The following USP6 variants were observed in gnomAD, a reference collection of about 807,000 sequenced individuals.
USP6 encodes the protein ubiquitin carboxyl-terminal hydrolase 6.
Under a neutral mutation model 175.7 loss-of-function variants are expected in USP6, and 128 were observed. The ratio of observed to expected loss-of-function variants is 0.73; its 90% CI spans 0.63 to 0.84. The LOEUF (loss-of-function observed/expected upper bound fraction) is 0.84, where lower values mean the gene tolerates loss of function less well. Among genes scored for constraint, USP6 ranks in the 40% least tolerant of loss-of-function variants. USP6 has a pLI of 0.00. For missense variants in USP6, 1,498 were observed against 1,760.3 expected (o/e 0.85, Z 2.67); for synonymous variants, 562 against 630.6 (o/e 0.89, Z 1.63).
chr17:5,130,211 G>T (rs371197712), intron 9 of USP6, 122 bp downstream of exon 9: 1 of 673,346 alleles, frequency 1.5e-6, no homozygotes, highest in Non-Finnish European at 2.6e-6. Flanking sequence ...GACCCATGGA[G>T]GTGTGGGCCA....
rs2073118003 is a variant in USP6 at position 5,132,849 on chromosome 17, T to C, written c.196-61T>C. Reference sequence around the variant, plus strand: ...GGGCTCCAGAGCCCAAGACTCAGCATCCATGGGCGGCTCTGGGAAGCCTGG... The same window carrying C: ...GGGCTCCAGAGCCCAAGACTCAGCACCCATGGGCGGCTCTGGGAAGCCTGG... On this transcript the variant is annotated intron_variant, in intron 12 of 37. Coordinates refer to ENST00000574788, the MANE Select transcript of USP6 (RefSeq NM_001304284.2). The surrounding 1 kb of genome is among the most constrained non-coding windows in gnomAD (Gnocchi z 4.7). 1 of 1,584,582 alleles carries C rather than the reference T, an allele frequency of 6.3e-7. No individual in the cohort carries two copies. The highest frequency in any genetic ancestry group is 8.7e-7 in the Non-Finnish European group (1 of 1,153,364).
chr17:5,134,257 A>G, intron 15 of USP6: 1 of 478,746 alleles, frequency 2.1e-6, no homozygotes, highest in Non-Finnish European at 3.8e-6. Context: ...GCAATGGTGA[A>G]AGGTGCTCTC....
At position 5,155,531 on chromosome 17, in the gene USP6, A is replaced by G. The variant is rs757266850; in HGVS notation, c.2753A>G (p.Asp918Gly). Residue 918 changes from aspartate to glycine, a missense_variant, in exon 31 of 38, where the codon GAT becomes GGT. By Grantham distance (94) the Asp-to-Gly change is moderately conservative (BLOSUM62 -1). Around this residue, in one of 2 missense-constraint regions of USP6, gnomAD observed 1,217 missense variants for 1,500.8 expected, o/e 0.81. Transcript: ENST00000574788. Reference sequence around the variant, plus strand: ...CATACCCGGAAGAAAGACCTATATGATGCGGTTTGGATTCAAGTATCCTGG... The same window carrying G: ...CATACCCGGAAGAAAGACCTATATGGTGCGGTTTGGATTCAAGTATCCTGG... Reference protein sequence around the residue: ...TVHTRKKDLYDAVWIQVSWLA... With the variant: ...TVHTRKKDLYGAVWIQVSWLA... The G allele has an allele frequency of 1.2e-6, 2 of 1,614,126 alleles. No individual in the cohort carries two copies. The highest frequency in any genetic ancestry group is 2.2e-5 in the East Asian group (1 of 44,886).
chr17:5,139,068 T>A (rs1310779756), intron 21 of USP6, 187 bp from the exon 22 acceptor site: 1 of 1,591,458 alleles, frequency 6.3e-7, no homozygotes, highest in African/African-American at 1.3e-5. Context: ...CCCCAACGGC[T>A]TCCCCATGCC....
chr17:5,126,311 G>A (rs866135278), intron 6 of USP6, among the ~76,000 whole-genome samples: 9 of 152,158 alleles, frequency 5.9e-5, no homozygotes, highest in South Asian at 2.1e-4. Context: ...CAAAAGAGGC[G>A]TCGGTTTTTT....
rs770763434 is a variant in USP6 at position 5,145,549 on chromosome 17, A to G, written c.2137A>G (p.Met713Val). 1.7e-5 allele frequency: 27 copies of G among 1,610,158 alleles called. No homozygotes were observed. Among genetic ancestry groups the G allele is most frequent in the Admixed American group, 6.8e-5 (4 of 59,178 alleles). ...CAATTTTTTGTCTTTGCCACTACCAATGGACAGTTACATGGACTTAGAAAT... is the reference window on the plus strand; with the variant it reads ...CAATTTTTTGTCTTTGCCACTACCAGTGGACAGTTACATGGACTTAGAAAT... ...PFNFLSLPLP[M>V]DSYMDLEITV... The change falls in exon 27 of 38, where the codon ATG becomes GTG. Residue 713 changes from methionine (M) to valine (V), a missense_variant. Met to Val is a conservative substitution (Grantham distance 21, BLOSUM62 1). Around this residue, in one of 2 missense-constraint regions of USP6, gnomAD observed 1,217 missense variants for 1,500.8 expected, o/e 0.81. Coordinates refer to ENST00000574788, the MANE Select transcript of USP6 (RefSeq NM_001304284.2).
chr17:5,139,153 C>T, intron 21 of USP6, 102 bp from the exon 22 acceptor site: 2 of 1,598,056 alleles, frequency 1.3e-6, no homozygotes, highest in South Asian at 1.1e-5. Flanking sequence ...AGGGGCCACA[C>T]AGAGACCCCA....
intron 23 of USP6, 111 bp downstream of exon 23, chr17:5,141,610 G>T: frequency 1.1e-6 from 1 of 922,330 alleles, no homozygotes; most frequent in Non-Finnish European, 1.6e-6. Flanking sequence ...AAGTAATTAG[G>T]GCCCTTCTTT....
In USP6 at chr17:5,161,531, T is replaced by C; in HGVS notation, c.2832T>C (p.Asp944=). 1 of 1,613,748 alleles carries C rather than the reference T, an allele frequency of 6.2e-7. No homozygotes were observed. The highest frequency in any genetic ancestry group is 8.5e-7 in the Non-Finnish European group (1 of 1,179,722). ...TTTTTGTTCTCTTCTGTTTCAGTGA[T>C]AACTGTATGGGCTATCAATATCCAT... ...QEASIHAQDR[D]NCMGYQYPFT... The change falls in exon 32 of 38, where the codon GAT becomes GAC. Residue 944 remains aspartate, a synonymous_variant. Transcript: ENST00000574788.
At chr17:5,167,559 T>C (rs1214745694) in intron 33 of USP6, among the ~76,000 whole-genome samples, 1 of 152,206 alleles carries the variant, frequency 6.6e-6, no homozygotes, top group African/African-American at 2.4e-5. Flanking sequence ...TCATCCGGGC[T>C]GGAGTGCAGT....
At chr17:5,147,657 G>A (rs1477851991) in intron 29 of USP6, among the ~76,000 whole-genome samples, 2 of 152,164 alleles carry the variant, frequency 1.3e-5, no homozygotes, top group African/African-American at 2.4e-5. Flanking sequence ...GCTTTATGAG[G>A]CTCCCTTCAT....
chr17:5,137,329 C>T (rs1346672434), intron 19 of USP6, 143 bp downstream of exon 19: 4 of 1,126,294 alleles, frequency 3.6e-6, no homozygotes, highest in Non-Finnish European at 5.2e-6. Context: ...AAACCCTCTG[C>T]CCAAGAGGGG....
At chr17:5,160,413 A>G (rs1248287201) in intron 31 of USP6, among the ~76,000 whole-genome samples, 2 of 152,112 alleles carry the variant, frequency 1.3e-5, no homozygotes, top group African/African-American at 2.4e-5. Flanking sequence ...ATTGAACTAT[A>G]ATTGACAAGT....
intron 33 of USP6, among the ~76,000 whole-genome samples, chr17:5,165,980 C>G (rs2074088141): frequency 6.6e-6 from 1 of 152,230 alleles, no homozygotes; most frequent in African/African-American, 2.4e-5. Flanking sequence ...TACTAGCTTA[C>G]TCTCATTTGT....
intron 29 of USP6, 48 bp from the exon 30 acceptor site, chr17:5,148,508 T>C: frequency 1.2e-6 from 2 of 1,602,412 alleles, no homozygotes; most frequent in South Asian, 1.1e-5. Flanking sequence ...AGAGCAAAGA[T>C]GAAAATACCA....
rs1449169497 is a variant in USP6 at position 5,138,387 on chromosome 17, C to T, written c.1078+114C>T. ...GGGCCTTCCTCTTCACCTTTTCTTCCTCCTCTTCCTCCTGGACTCTAAGAA... is the reference window on the plus strand; with the variant it reads ...GGGCCTTCCTCTTCACCTTTTCTTCTTCCTCTTCCTCCTGGACTCTAAGAA... On this transcript the variant is annotated intron_variant, in intron 21 of 37. Coordinates refer to ENST00000574788, the MANE Select transcript of USP6 (RefSeq NM_001304284.2). 1.9e-6 allele frequency: 3 copies of T among 1,548,330 alleles called. No individual in the cohort carries two copies. The African/African-American group carries it at 4.1e-5, about 21-fold the overall frequency.
At chr17:5,160,742 C>T (rs1387497670) in intron 31 of USP6, among the ~76,000 whole-genome samples, 5 of 152,176 alleles carry the variant, frequency 3.3e-5, no homozygotes, top group Non-Finnish European at 5.9e-5. Context: ...GGTATATACC[C>T]AGTAATGGGA....
At chr17:5,140,290 T>C (rs2073406576) in intron 22 of USP6, among the ~76,000 whole-genome samples, 1 of 151,990 alleles carries the variant, frequency 6.6e-6, no homozygotes, top group South Asian at 2.1e-4. Context: ...TTAGGCCGGG[T>C]GTGGTGGCTC....
chr17:5,142,219 T>C, intron 24 of USP6, 78 bp downstream of exon 24: 10 of 1,560,792 alleles, frequency 6.4e-6, no homozygotes, highest in Non-Finnish European at 8.7e-6. Flanking sequence ...TCCTCTTTTT[T>C]CACCCTGCGG....
Sources: gnomAD v4.1 joint callset for allele counts (sites outside exome capture counted in the v4.1 genomes callset) on GRCh38, gnomAD v4.1.1 for gene constraint, gnomAD v4.1.1 regional missense constraint, Gnocchi (gnomAD v3.1) non-coding constraint, MANE v1.5 for transcripts, NCBI Gene and HGNC (gene_info 2026-07-23, HGNC 2026-07-21) for gene names.